Variants in PICK1 observed in about 807,000 individuals in gnomAD.
PICK1 encodes the protein protein interacting with PRKCA 1.
A neutral mutation model predicts 48.9 loss-of-function variants in PICK1; 23 were observed. The ratio of observed to expected loss-of-function variants is 0.47; its 90% confidence interval spans 0.34 to 0.67. The LOEUF is 0.67. Ranked by LOEUF, PICK1 falls within the 30% of genes least tolerant of loss-of-function variation. The probability of loss-of-function intolerance (pLI) is 0.01; values close to 1 mark genes in which losing one functional copy is unlikely to be tolerated. For synonymous variants in PICK1, 217 were observed against 228.2 expected, an observed-to-expected ratio of 0.95 and a Z score of 0.44; for missense variants, 423 against 557.1, an observed-to-expected ratio of 0.76 and a Z score of 2.42.
chr22:38,072,696 TCCTGTG>T, intron 9 of PICK1, 86 bp downstream of exon 9: 1 of 1,555,012 alleles, frequency 6.4e-7, no homozygotes, highest in African/African-American at 1.4e-5. Context: ...TATGCTGGAG[TCCTGTG>T]CCTGGGTACA....
At chr22:38,065,247 C>A in intron 4 of PICK1, 117 bp downstream of exon 4, 1 of 1,004,132 alleles carries the variant, frequency 1.0e-6, no homozygotes, top group Non-Finnish European at 1.5e-6. Flanking sequence ...CGCCCCCTTC[C>A]TTGTCATGTG....
rs2085803660 is a variant in PICK1 at position 38,075,016 on chromosome 22, T to G, written c.1132T>G (p.Phe378Val). Reference protein sequence around the residue: ...TLAYGLNQEEFTDGEEEEEEE... With the variant: ...TLAYGLNQEEVTDGEEEEEEE... ...GGCCTATGGCCTCAACCAGGAGGAG[T>G]TCACAGATGGGGAGGAGGAGGAGGA... The change falls in exon 13 of 13, where the codon TTC becomes GTC. Residue 378 changes from phenylalanine to valine, a missense_variant. This residue lies in a region of PICK1 where 144 missense variants were observed against 139.3 expected (regional missense o/e 1.03). Transcript: ENST00000356976. The G allele has an allele frequency of 2.5e-6, 4 of 1,612,838 alleles. No homozygotes were observed. Among genetic ancestry groups the G allele is most frequent in the Non-Finnish European group, 3.4e-6 (4 of 1,179,776 alleles).
At chr22:38,065,238 G>A (rs1392437332) in intron 4 of PICK1, 108 bp downstream of exon 4, 27 of 1,097,830 alleles carry the variant, frequency 2.5e-5, no homozygotes, top group Admixed American at 4.0e-5. Context: ...AGCCCTCACC[G>A]CCCCCTTCCT....
At chr22:38,064,904 T>C in intron 3 of PICK1, 98 bp from the exon 4 acceptor site, 3 of 1,399,830 alleles carry the variant, frequency 2.1e-6, no homozygotes, top group Non-Finnish European at 3.0e-6. Flanking sequence ...GAGCAGAGGG[T>C]AGAGTGGAAG....
At chr22:38,062,130 A>G (rs772794376) in intron 3 of PICK1, among the ~76,000 whole-genome samples, 2 of 151,792 alleles carry the variant, frequency 1.3e-5, no homozygotes, top group African/African-American at 4.8e-5. Flanking sequence ...TGAGGAATCT[A>G]TGTTTCTTTT....
In PICK1 at chr22:38,075,418, G is replaced by A. The variant is rs1403150590; in HGVS notation, c.*286G>A. On this transcript the variant is annotated 3_prime_UTR_variant, in exon 13 of 13. Coordinates refer to ENST00000356976, the MANE Select transcript of PICK1 (RefSeq NM_012407.4). The stretch of plus-strand genomic sequence containing the variant: ...GACCTGCCTTAGGAAGGAGAGGGAG[G>A]GCAGGAAGGAAAAGAAAGGACTTGG... 10 of 426,590 alleles carry A rather than the reference G, an allele frequency of 2.3e-5. No homozygotes were observed. The East Asian group carries it at 3.3e-4, about 14-fold the overall frequency. The allele number at this position is 426,590 out of a possible 1,614,324, so 26.4% of individuals were successfully genotyped here. A position where few individuals can be genotyped will look rare whatever the true frequency, so the allele number is the denominator to read the frequency against.
chr22:38,062,394 C>T (rs185752595), intron 3 of PICK1, among the ~76,000 whole-genome samples: 89 of 152,118 alleles, frequency 5.9e-4, no homozygotes, highest in Admixed American at 5.2e-4. Flanking sequence ...ATTACAGGCA[C>T]GTGCCACCAC....
chr22:38,072,441 A>G (rs1313561651), intron 8 of PICK1, 36 bp from the exon 9 acceptor site: 1 of 1,605,434 alleles, frequency 6.2e-7, no homozygotes, highest in Non-Finnish European at 8.5e-7. Context: ...TAGGGGGCCA[A>G]GTAGGGGCAG....
rs964437286 is a variant in PICK1 at position 38,066,853 on chromosome 22, T to C, written c.283-851T>C. 1.3e-5 allele frequency among the ~76,000 whole-genome samples: 2 copies of C among 152,216 alleles called. No individual in the cohort carries two copies. Among genetic ancestry groups the C allele is most frequent in the African/African-American group, 4.8e-5 (2 of 41,452 alleles). ...CCTCCCGTGCTCAGGCAAGTCCTCT[T>C]GGGAGAAGCCTTTGTCTCCTGAGCA... On this transcript the variant is annotated intron_variant, in intron 4 of 12. Coordinates refer to ENST00000356976, the MANE Select transcript of PICK1 (RefSeq NM_012407.4). This position sits in a 1 kb window ranked among gnomAD's most constrained non-coding sequence, Gnocchi z 4.1.
chr22:38,069,987 C>T (rs2085636561), intron 6 of PICK1, among the ~76,000 whole-genome samples: 1 of 152,226 alleles, frequency 6.6e-6, no homozygotes, highest in Admixed American at 6.5e-5. Flanking sequence ...TTACATGGCT[C>T]CTTTCCTGCC....
chr22:38,074,941 C>G lies in PICK1; in HGVS notation c.1057C>G (p.Arg353Gly). The G allele has an allele frequency of 6.2e-7, 1 of 1,613,706 alleles. No individual in the cohort carries two copies. The highest frequency in any genetic ancestry group is 8.5e-7 in the Non-Finnish European group (1 of 1,180,036). Reference sequence around the variant, plus strand: ...CTACAACGACTGCTACGCAGTGCTGCGGGATGCCGACGTCTTCCCCATCGA... The same window carrying G: ...CTACAACGACTGCTACGCAGTGCTGGGGGATGCCGACGTCTTCCCCATCGA... ...KYYNDCYAVL[R>G]DADVFPIEVD... Residue 353 changes from arginine to glycine, a missense_variant, in exon 13 of 13, where the codon CGG becomes GGG. By Grantham distance (125) the Arg-to-Gly change is moderately radical. Coordinates refer to ENST00000356976, the MANE Select transcript of PICK1 (RefSeq NM_012407.4). The surrounding 1 kb of genome is among the most constrained non-coding windows in gnomAD (Gnocchi z 4.5).
chr22:38,057,576 C>G lies in PICK1; in HGVS notation c.-69C>G, dbSNP rs778296751. On this transcript the variant is annotated 5_prime_UTR_variant, in exon 1 of 13. Coordinates refer to ENST00000356976, the MANE Select transcript of PICK1 (RefSeq NM_012407.4). The stretch of plus-strand genomic sequence containing the variant: ...GCCTATCGCCCTGGCCTGGAGCCCC[C>G]CTTTGTACCTAGTAAGAATCACCTA... 13 of 591,812 alleles carry G rather than the reference C, an allele frequency of 2.2e-5. No homozygotes were observed. Among genetic ancestry groups the G allele is most frequent in the East Asian group, 5.7e-5 (2 of 34,854 alleles). The allele number at this position is 591,812 out of a possible 1,614,324, so 36.7% of individuals were successfully genotyped here. A position where few individuals can be genotyped will look rare whatever the true frequency, so the allele number is the denominator to read the frequency against.
In PICK1 at chr22:38,073,701, G is replaced by C. The variant is rs2085757298; in HGVS notation, c.784-72G>C. The stretch of plus-strand genomic sequence containing the variant: ...CGCCAGCCTCTCCTGCTGCGTGTGG[G>C]TGATGGGGGTGGAGCTGGGGACCTG... On this transcript the variant is annotated intron_variant, in intron 10 of 12. Transcript: ENST00000356976. This position sits in a 1 kb window ranked among gnomAD's most constrained non-coding sequence, Gnocchi z 5.7. 7.4e-7 allele frequency: 1 copy of C among 1,353,688 alleles called. No homozygotes were observed. The highest frequency in any genetic ancestry group is 2.3e-5 in the East Asian group (1 of 43,722). The allele number at this position is 1,353,688 out of a possible 1,614,324, so 83.9% of individuals were successfully genotyped here.
At position 38,075,164 on chromosome 22, in the gene PICK1, T is replaced by TGCGTGGGAGGACGGA; in HGVS notation, c.*35_*49dup. On this transcript the variant is annotated 3_prime_UTR_variant, in exon 13 of 13. Transcript: ENST00000356976. ...CGCGGCTGTGGTGCCGGGGGCAGGG[T>TGCGTGGGAGGACGGA]GCGTGGGAGGACGGAGCCTGGGAGC... 1 of 1,593,008 alleles carries TGCGTGGGAGGACGGA rather than the reference T, an allele frequency of 6.3e-7. No individual in the cohort carries two copies. The highest frequency in any genetic ancestry group is 8.6e-7 in the Non-Finnish European group (1 of 1,169,104).
chr22:38,072,329 T>A, intron 8 of PICK1, 148 bp from the exon 9 acceptor site: 1 of 920,526 alleles, frequency 1.1e-6, no homozygotes, highest in South Asian at 1.7e-5. Context: ...CTTCAGGGGG[T>A]TTAGACCAGC....
intron 6 of PICK1, among the ~76,000 whole-genome samples, chr22:38,069,997 C>CG (rs566318382): frequency 1.7e-3 from 261 of 152,340 alleles, no homozygotes; most frequent in African/African-American, 6.1e-3. Context: ...CCTTTCCTGC[C>CG]GCTGGCCAGG....
chr22:38,073,647 T>A lies in PICK1; in HGVS notation c.784-126T>A. 1 of 883,382 alleles carries A rather than the reference T, an allele frequency of 1.1e-6. No homozygotes were observed. The highest frequency in any genetic ancestry group is 2.4e-5 in the East Asian group (1 of 41,426). The allele number at this position is 883,382 out of a possible 1,614,324, so 54.7% of individuals were successfully genotyped here. A position where few individuals can be genotyped will look rare whatever the true frequency, so the allele number is the denominator to read the frequency against. On this transcript the variant is annotated intron_variant, in intron 10 of 12. Coordinates refer to ENST00000356976, the MANE Select transcript of PICK1 (RefSeq NM_012407.4). The surrounding 1 kb of genome is among the most constrained non-coding windows in gnomAD (Gnocchi z 5.7). ...CCTGTCATCCCTCAGCACCTGCCGC[T>A]GCCCGCTCTGGGACTCCCTGAACAC...
chr22:38,063,531 A>G (rs1053485196), intron 3 of PICK1, among the ~76,000 whole-genome samples: 9 of 152,116 alleles, frequency 5.9e-5, no homozygotes, highest in Non-Finnish European at 1.0e-4. Flanking sequence ...AAGAAAAAAG[A>G]GTTTTAGGAA....
intron 8 of PICK1, 135 bp downstream of exon 8, chr22:38,071,879 G>GACC: frequency 1.3e-6 from 1 of 773,256 alleles, no homozygotes; most frequent in Non-Finnish European, 2.3e-6. Flanking sequence ...CAGGTGCTGG[G>GACC]ATTTGCGATG....
Sources: allele counts gnomAD v4.1 joint callset (sites outside exome capture counted in the v4.1 genomes callset), GRCh38; gene constraint gnomAD v4.1.1; regional missense constraint gnomAD v4.1.1; non-coding constraint Gnocchi (gnomAD v3.1); transcripts MANE v1.5; gene names NCBI Gene and HGNC (gene_info 2026-07-23, HGNC 2026-07-21).